The following CLMP variants were observed in gnomAD, a reference collection of about 807,000 sequenced individuals.
The protein encoded by CLMP is CXADR-like membrane protein.
In CLMP, 27 loss-of-function variants were observed where a neutral mutation model predicts 45.2. The observed-to-expected ratio is 0.60, with a 90% confidence interval of 0.44 to 0.82. The LOEUF (loss-of-function observed/expected upper bound fraction) is 0.82. Among genes scored for constraint, CLMP ranks in the 40% least tolerant of loss-of-function variants. The probability of loss-of-function intolerance (pLI) is 0.00; values close to 1 mark genes in which losing one functional copy is unlikely to be tolerated. For synonymous variants in CLMP, 167 were observed against 171.4 expected, an observed-to-expected ratio of 0.97 and a Z score of 0.20; for missense variants, 403 against 448.4, an observed-to-expected ratio of 0.90 and a Z score of 0.91.
chr11:123,102,107 T>C (rs1045522677), intron 1 of CLMP, among the ~76,000 whole-genome samples: 41 of 151,854 alleles, frequency 2.7e-4, no homozygotes, highest in African/African-American at 8.7e-4. Context: ...TCACCTGAGC[T>C]TGGAAAGTCG....
intron 2 of CLMP, among the ~76,000 whole-genome samples, chr11:123,092,965 C>T (rs189188521): frequency 6.8e-6 from 1 of 146,082 alleles, no homozygotes. Context: ...TGGAGTGCAG[C>T]GGTATGATCT....
intron 1 of CLMP, among the ~76,000 whole-genome samples, chr11:123,147,406 A>G (rs1048507713): frequency 6.6e-6 from 1 of 152,184 alleles, no homozygotes; most frequent in Non-Finnish European, 1.5e-5. Flanking sequence ...CTCAGAGGTC[A>G]CATCCTCCAA....
At chr11:123,166,950 A>T (rs909945948) in intron 1 of CLMP, among the ~76,000 whole-genome samples, 4 of 152,194 alleles carry the variant, frequency 2.6e-5, no homozygotes, top group Non-Finnish European at 5.9e-5. Flanking sequence ...CTAAAAAAAA[A>T]AATCTGCCAC....
At chr11:123,186,055 T>A (rs538421723) in intron 1 of CLMP, among the ~76,000 whole-genome samples, 1 of 152,304 alleles carries the variant, frequency 6.6e-6, no homozygotes, top group East Asian at 1.9e-4. Context: ...TGCCTCGTCA[T>A]GCCTACTTCC....
rs569227758 is a variant in CLMP, at chr11:123,140,882, T to C, written c.29-42930A>G. Among the ~76,000 whole-genome samples, 230 of 152,272 alleles carry C rather than the reference T, an allele frequency of 1.5e-3. 1 individual carries two copies. Among genetic ancestry groups the C allele is most frequent in the African/African-American group, 5.3e-3 (221 of 41,552 alleles). On this transcript the variant is annotated intron_variant, in intron 1 of 6. Coordinates refer to ENST00000448775, the MANE Select transcript of CLMP (RefSeq NM_024769.5). ...GGGCTAGTGGGAGATGTTTGGGTCT[T>C]GGGGGTGGATCCCTCATGAATGTCT...
At chr11:123,139,305 G>A in intron 1 of CLMP, among the ~76,000 whole-genome samples, 1 of 151,968 alleles carries the variant, frequency 6.6e-6, no homozygotes, top group East Asian at 1.9e-4. Flanking sequence ...TTGAATGTGA[G>A]ATGTTCAAAA....
At chr11:123,162,403 C>A (rs772230397) in intron 1 of CLMP, among the ~76,000 whole-genome samples, 4 of 152,100 alleles carry the variant, frequency 2.6e-5, no homozygotes, top group East Asian at 1.9e-4. Flanking sequence ...AAAACACATC[C>A]AAAACAGGAA....
intron 1 of CLMP, among the ~76,000 whole-genome samples, chr11:123,127,679 C>G (rs1009990851): frequency 6.6e-6 from 1 of 152,128 alleles, no homozygotes; most frequent in African/African-American, 2.4e-5. Flanking sequence ...AAATCACAGA[C>G]CAGTACCACT....
intron 1 of CLMP, among the ~76,000 whole-genome samples, chr11:123,165,750 C>G (rs576781909): frequency 3.9e-4 from 59 of 152,030 alleles, no homozygotes; most frequent in Admixed American, 1.6e-3. Context: ...TTTCCCAAAC[C>G]CTCCCTTAAT....
intron 5 of CLMP, among the ~76,000 whole-genome samples, chr11:123,077,739 C>T (rs1017032770): frequency 1.3e-5 from 2 of 152,178 alleles, no homozygotes. Flanking sequence ...TCCCCACTGC[C>T]CCAGCTCCAG....
chr11:123,183,331 A>G (rs1325468348), intron 1 of CLMP, among the ~76,000 whole-genome samples: 1 of 152,130 alleles, frequency 6.6e-6, no homozygotes, highest in East Asian at 1.9e-4. Flanking sequence ...CCCGGGTTCA[A>G]GTGATTTTCC....
At chr11:123,145,065 T>C (rs887718967) in intron 1 of CLMP, among the ~76,000 whole-genome samples, 3 of 152,144 alleles carry the variant, frequency 2.0e-5, no homozygotes, top group Admixed American at 6.6e-5. Flanking sequence ...GTGTAAAAAA[T>C]CTTGTTAGTA....
chr11:123,178,854 T>C (rs1484335315), intron 1 of CLMP, among the ~76,000 whole-genome samples: 2 of 152,202 alleles, frequency 1.3e-5, no homozygotes, highest in East Asian at 3.8e-4. Context: ...TACGTATTGG[T>C]AGAATGAGGA....
At chr11:123,171,030 G>A (rs1224080921) in intron 1 of CLMP, among the ~76,000 whole-genome samples, 1 of 152,226 alleles carries the variant, frequency 6.6e-6, no homozygotes, top group Admixed American at 6.5e-5. Flanking sequence ...GTATGAGCAA[G>A]GTCTCTGGGG....
At chr11:123,111,032 G>A (rs74805651) in intron 1 of CLMP, among the ~76,000 whole-genome samples, 2,764 of 152,028 alleles carry the variant, frequency 0.018, 83 homozygotes, top group African/African-American at 0.063. Flanking sequence ...TATATTCAAG[G>A]CCCTGTCTTA....
Position 123,104,252 on chromosome 11 carries a change from A to AT in CLMP, c.29-6301dup, listed in dbSNP as rs1358430666. 3.0e-5 allele frequency among the ~76,000 whole-genome samples: 4 copies of AT among 134,822 alleles called. No homozygotes were observed. The East Asian group carries it at 8.7e-4, about 29-fold the overall frequency. The allele number at this position is 134,822 out of a possible 152,430, so 88.4% of individuals were successfully genotyped here. A position where few individuals can be genotyped will look rare whatever the true frequency, so the allele number is the denominator to read the frequency against. ...ACAGGGTTGCACCACCCACCGAGCT[A>AT]TTTTTTTTAGTAGAGATGGGGTTTC... is the stretch of plus-strand genomic sequence containing the variant. On this transcript the variant is annotated intron_variant, in intron 1 of 6. Coordinates refer to ENST00000448775, the MANE Select transcript of CLMP (RefSeq NM_024769.5).
At chr11:123,085,640 T>C (rs1176987415) in intron 2 of CLMP, among the ~76,000 whole-genome samples, 4 of 150,450 alleles carry the variant, frequency 2.7e-5, no homozygotes, top group Non-Finnish European at 4.4e-5. Flanking sequence ...CTGCACAATT[T>C]GCCCACAAGG....
intron 1 of CLMP, among the ~76,000 whole-genome samples, chr11:123,161,357 A>AT (rs199656118): frequency 0.01 from 1,510 of 150,874 alleles, 9 homozygotes; most frequent in Middle Eastern, 0.017. Flanking sequence ...AGAAGCACTG[A>AT]TTTTTTTTTT....
chr11:123,170,242 G>T (rs1181554120), intron 1 of CLMP, among the ~76,000 whole-genome samples: 2 of 152,144 alleles, frequency 1.3e-5, no homozygotes, highest in Non-Finnish European at 1.5e-5. Flanking sequence ...CCCGAGTCAG[G>T]TTGGAAAGCA....
Sources: allele counts gnomAD v4.1 joint callset (sites outside exome capture counted in the v4.1 genomes callset), GRCh38; gene constraint gnomAD v4.1.1; transcripts MANE v1.5; gene names NCBI Gene and HGNC (gene_info 2026-07-23, HGNC 2026-07-21).